Variants in TNFRSF19 observed in about 807,000 individuals in gnomAD.
The protein encoded by TNFRSF19 is TNF receptor superfamily member 19.
Under a neutral mutation model 46.4 loss-of-function variants are expected in TNFRSF19, and 27 were observed. The observed-to-expected ratio is 0.58, with a 90% CI of 0.43 to 0.80. The LOEUF is 0.80. TNFRSF19 is among the 30% of genes least tolerant of loss of function. TNFRSF19 has a pLI of 0.00. For synonymous variants in TNFRSF19, 204 were observed against 205.0 expected, an observed-to-expected ratio of 1.00 and a Z score of 0.04; for missense variants, 511 against 530.8, an observed-to-expected ratio of 0.96 and a Z score of 0.37.
At chr13:23,640,680 T>A (rs552708283) in intron 5 of TNFRSF19, among the ~76,000 whole-genome samples, 7 of 152,224 alleles carry the variant, frequency 4.6e-5, no homozygotes, top group Non-Finnish European at 1.0e-4. Context: ...ACCAATCCAT[T>A]CTTTGAATGA....
At chr13:23,653,258 C>T (rs1045337178) in intron 5 of TNFRSF19, among the ~76,000 whole-genome samples, 1 of 152,192 alleles carries the variant, frequency 6.6e-6, no homozygotes, top group African/African-American at 2.4e-5. Flanking sequence ...CACTTTCGTC[C>T]CCACTGACTC....
At chr13:23,666,262 C>A (rs1951631679) in intron 7 of TNFRSF19, among the ~76,000 whole-genome samples, 1 of 152,164 alleles carries the variant, frequency 6.6e-6, no homozygotes, top group African/African-American at 2.4e-5. Context: ...TCCTGTCACA[C>A]CCCAAACTTT....
rs939743166 is a variant in TNFRSF19 at position 23,673,855 on chromosome 13, G to A, written c.*475G>A. 6.5e-6 allele frequency: 1 copy of A among 153,808 alleles called. No homozygotes were observed. Among genetic ancestry groups the A allele is most frequent in the Non-Finnish European group, 1.4e-5 (1 of 69,180 alleles). 9.5% of individuals were successfully genotyped at this position (153,808 alleles called of 1,614,324 possible). A position where few individuals can be genotyped will look rare whatever the true frequency, so the allele number is the denominator to read the frequency against. ...TTACCTTAGCTTTTATGTAGAATGG[G>A]TTCAAAAGTGAGTGTTTCTATTTGA... is the stretch of plus-strand genomic sequence containing the variant. On this transcript the variant is annotated 3_prime_UTR_variant, in exon 10 of 10. Transcript: ENST00000248484.
intron 5 of TNFRSF19, among the ~76,000 whole-genome samples, chr13:23,639,117 G>T (rs989618754): frequency 1.3e-5 from 2 of 152,158 alleles, no homozygotes; most frequent in Non-Finnish European, 2.9e-5. Flanking sequence ...TTAAGGCCAG[G>T]TGTGGTGGCT....
At chr13:23,650,144 T>A (rs1370132286) in intron 5 of TNFRSF19, among the ~76,000 whole-genome samples, 2 of 152,220 alleles carry the variant, frequency 1.3e-5, no homozygotes, top group African/African-American at 4.8e-5. Flanking sequence ...ATTCTTCCCC[T>A]AGCTCTTGCT....
At position 23,624,940 on chromosome 13, in the gene TNFRSF19, C is replaced by T. The variant is rs368665848; in HGVS notation, c.360-1767C>T. Among the ~76,000 whole-genome samples the T allele has an allele frequency of 4.6e-5, 7 of 151,644 alleles. No homozygotes were observed. In the South Asian group the frequency reaches 6.3e-4, roughly 14 times the overall value. On this transcript the variant is annotated intron_variant, in intron 4 of 9. Transcript: ENST00000248484. Reference sequence around the variant, plus strand: ...TAATTTTTTGTATTTTTCATAGAGACGGGGTTTCACCATTTTGGCCAGGCT... The same window carrying T: ...TAATTTTTTGTATTTTTCATAGAGATGGGGTTTCACCATTTTGGCCAGGCT...
intron 5 of TNFRSF19, among the ~76,000 whole-genome samples, chr13:23,653,527 T>C (rs1174055203): frequency 6.6e-6 from 1 of 152,146 alleles, no homozygotes; most frequent in Non-Finnish European, 1.5e-5. Flanking sequence ...GAAGCCTCAC[T>C]GAGGTGGTGA....
At position 23,659,637 on chromosome 13, in the gene TNFRSF19, G is replaced by A. The variant is rs758737408; in HGVS notation, c.610+423G>A. On this transcript the variant is annotated intron_variant, in intron 6 of 9. Coordinates refer to ENST00000248484, the MANE Select transcript of TNFRSF19 (RefSeq NM_148957.4). This position sits in a 1 kb window ranked among gnomAD's most constrained non-coding sequence, Gnocchi z 4.9. ...TTCTCCTGCCTCAGCCTCCGGAGTA[G>A]CTGGGACTACAGGCGCCCGCCACCA... Among the ~76,000 whole-genome samples the A allele has an allele frequency of 1.6e-4, 24 of 152,074 alleles. No individual in the cohort carries two copies. The highest frequency in any genetic ancestry group is 2.9e-4 in the Non-Finnish European group (20 of 67,996).
At chr13:23,606,037 T>A (rs1485694053) in intron 3 of TNFRSF19, among the ~76,000 whole-genome samples, 1 of 152,058 alleles carries the variant, frequency 6.6e-6, no homozygotes, top group Non-Finnish European at 1.5e-5. Context: ...CCTTTGTGTG[T>A]GGCGGGGGAG....
chr13:23,597,194 G>A (rs1307381663), intron 3 of TNFRSF19, among the ~76,000 whole-genome samples: 1 of 152,036 alleles, frequency 6.6e-6, no homozygotes, highest in African/African-American at 2.4e-5. Flanking sequence ...AACTAGAGAA[G>A]CAAGGGCAAA....
chr13:23,607,768 T>C (rs1018224164), intron 3 of TNFRSF19, among the ~76,000 whole-genome samples: 10 of 152,212 alleles, frequency 6.6e-5, no homozygotes, highest in Admixed American at 5.2e-4. Context: ...ACATTTTCTG[T>C]CCTCCAGTCC....
At chr13:23,640,590 G>A (rs577682120) in intron 5 of TNFRSF19, among the ~76,000 whole-genome samples, 2 of 152,258 alleles carry the variant, frequency 1.3e-5, no homozygotes, top group Admixed American at 6.5e-5. Context: ...CCTTTCTCCT[G>A]CACACCTTCT....
intron 3 of TNFRSF19, among the ~76,000 whole-genome samples, chr13:23,595,219 C>T (rs113099592): frequency 8.3e-4 from 127 of 152,324 alleles, no homozygotes; most frequent in African/African-American, 3.0e-3. Flanking sequence ...AGGATCACAA[C>T]TCCTTGCCAG....
intron 1 of TNFRSF19, among the ~76,000 whole-genome samples, chr13:23,589,836 C>T (rs1448128959): frequency 3.3e-5 from 5 of 151,246 alleles, no homozygotes; most frequent in Non-Finnish European, 5.9e-5. Context: ...GAATTTCATG[C>T]TGAGTGAAGT....
At chr13:23,619,417 T>G (rs752453824) in intron 4 of TNFRSF19, among the ~76,000 whole-genome samples, 2 of 152,110 alleles carry the variant, frequency 1.3e-5, no homozygotes, top group Non-Finnish European at 2.9e-5. Flanking sequence ...TTATGAGGCT[T>G]CTTTGGGGGA....
At chr13:23,647,411 G>T (rs1021749552) in intron 5 of TNFRSF19, among the ~76,000 whole-genome samples, 5 of 151,972 alleles carry the variant, frequency 3.3e-5, no homozygotes, top group Non-Finnish European at 7.4e-5. Context: ...TTTATTTATT[G>T]ATTTATTTAG....
At chr13:23,579,144 G>T in intron 1 of TNFRSF19, among the ~76,000 whole-genome samples, 1 of 152,210 alleles carries the variant, frequency 6.6e-6, no homozygotes, top group East Asian at 1.9e-4. Flanking sequence ...CCATCCCCAA[G>T]CCCCCAGTCA....
In TNFRSF19 at chr13:23,600,271, T is replaced by G. The variant is rs1292790920; in HGVS notation, c.180+6816T>G. 2.0e-5 allele frequency among the ~76,000 whole-genome samples: 3 copies of G among 152,316 alleles called. No homozygotes were observed. In the South Asian group the frequency reaches 6.2e-4, roughly 32 times the overall value. ...GAACAAACTGAAAAGTCCGCAGCTC[T>G]TAGATCTGCAAGAGAAGTGAGGTCG... On this transcript the variant is annotated intron_variant, in intron 3 of 9. Transcript: ENST00000248484.
At chr13:23,578,413 T>C (rs750623046) in intron 1 of TNFRSF19, among the ~76,000 whole-genome samples, 7 of 152,230 alleles carry the variant, frequency 4.6e-5, no homozygotes, top group Non-Finnish European at 8.8e-5. Flanking sequence ...GTACCTAGTA[T>C]AGTGCTACGC....
Sources: allele counts gnomAD v4.1 joint callset (sites outside exome capture counted in the v4.1 genomes callset), GRCh38; gene constraint gnomAD v4.1.1; non-coding constraint Gnocchi (gnomAD v3.1); transcripts MANE v1.5; gene names NCBI Gene and HGNC (gene_info 2026-07-23, HGNC 2026-07-21).